Variants in HOXD13 observed in about 807,000 individuals in gnomAD.
HOXD13 encodes homeobox D13.
A neutral mutation model predicts 27.3 loss-of-function variants in HOXD13; 16 were observed. The ratio of observed to expected loss-of-function variants is 0.59; its 90% CI spans 0.40 to 0.89. The LOEUF (loss-of-function observed/expected upper bound fraction) is 0.89. Among genes scored for constraint, HOXD13 ranks in the 40% least tolerant of loss-of-function variants. The pLI, the probability that HOXD13 is intolerant of heterozygous loss-of-function variation, is 0.00. For synonymous variants in HOXD13, 241 were observed against 219.0 expected (o/e 1.10, Z -0.89); for missense variants, 481 against 482.6 (o/e 1.00, Z 0.03).
At chr2:176,091,682 G>T (rs1324651887), upstream of HOXD13, among the ~76,000 whole-genome samples, 4 of 152,134 alleles carry the variant, frequency 2.6e-5, no homozygotes, top group African/African-American at 9.7e-5. Flanking sequence ...CTCTTAATTT[G>T]CCCCTCTCAG....
Position 176,092,956 on chromosome 2 carries a change from C to A in HOXD13, c.66C>A (p.Ala22=). 1 of 1,335,188 alleles carries A rather than the reference C, an allele frequency of 7.5e-7. No individual in the cohort carries two copies. Among genetic ancestry groups the A allele is most frequent in the Non-Finnish European group, 9.6e-7 (1 of 1,046,472 alleles). The allele number at this position is 1,335,188 out of a possible 1,614,324, so 82.7% of individuals were successfully genotyped here. Residue 22 remains alanine, a synonymous_variant, in exon 1 of 2, where the codon GCC becomes GCA. Transcript: ENST00000392539. ...CAGACGGCGGGGGCGCCGGTGGCGCCCCGGCCTCTTCCTCCTCCTCATCGG... is the reference window on the plus strand; with the variant it reads ...CAGACGGCGGGGGCGCCGGTGGCGCACCGGCCTCTTCCTCCTCCTCATCGG... ...LRADGGGAGG[A]PASSSSSSVA...
chr2:176,091,267 A>G (rs1689314805), upstream of HOXD13, among the ~76,000 whole-genome samples: 3 of 152,154 alleles, frequency 2.0e-5, no homozygotes, highest in South Asian at 6.2e-4. Context: ...AGCTTTCACC[A>G]ATCACAGGCT....
upstream of HOXD13, among the ~76,000 whole-genome samples, chr2:176,089,962 G>T (rs1469311569): frequency 2.0e-5 from 3 of 152,212 alleles, no homozygotes; most frequent in Non-Finnish European, 4.4e-5. Flanking sequence ...GCCACCTAAA[G>T]AAACTGATTC....
chr2:176,093,004 C>T lies in HOXD13; in HGVS notation c.114C>T (p.Gly38=). ...CGGTGGCGGCGGCGGCGGCGTCAGG[C>T]CAGTGCCGCGGCTTTCTCTCCGCGC... ...SSSVAAAAAS[G]QCRGFLSAPV... is the part of the protein sequence containing the mutation. The change falls in exon 1 of 2, where the codon GGC becomes GGT. Residue 38 remains glycine, a synonymous_variant. Transcript: ENST00000392539. 7.2e-7 allele frequency: 1 copy of T among 1,385,802 alleles called. No homozygotes were observed. Among genetic ancestry groups the T allele is most frequent in the East Asian group, 3.1e-5 (1 of 31,758 alleles). The allele number at this position is 1,385,802 out of a possible 1,614,324, so 85.8% of individuals were successfully genotyped here.
rs1052549254 is a variant in HOXD13 at position 176,092,965 on chromosome 2, TTCC to T, written c.84_86del (p.Ser30del). 3 of 1,340,472 alleles carry T rather than the reference TTCC, an allele frequency of 2.2e-6. No individual in the cohort carries two copies. Among genetic ancestry groups the T allele is most frequent in the East Asian group, 3.3e-5 (1 of 30,722 alleles). The allele number at this position is 1,340,472 out of a possible 1,614,324, so 83.0% of individuals were successfully genotyped here. On this transcript the variant is annotated inframe_deletion, in exon 1 of 2. Coordinates refer to ENST00000392539, the MANE Select transcript of HOXD13 (RefSeq NM_000523.4). ...GGGGCGCCGGTGGCGCCCCGGCCTC[TTCC>T]TCCTCCTCATCGGTGGCGGCGGCGG...
upstream of HOXD13, among the ~76,000 whole-genome samples, chr2:176,090,479 G>A (rs1451504840): frequency 6.6e-6 from 1 of 152,150 alleles, no homozygotes; most frequent in Non-Finnish European, 1.5e-5. Flanking sequence ...CAGAAGTGAT[G>A]GGCTGCTTGA....
At chr2:176,087,905 G>A (rs548479737), upstream of HOXD13, among the ~76,000 whole-genome samples, 1 of 152,354 alleles carries the variant, frequency 6.6e-6, no homozygotes, top group African/African-American at 2.4e-5. Context: ...GAGCAGCAGC[G>A]GGTCCTCTGA....
At chr2:176,091,011 T>G (rs1689310921), upstream of HOXD13, among the ~76,000 whole-genome samples, 1 of 152,240 alleles carries the variant, frequency 6.6e-6, no homozygotes, top group South Asian at 2.1e-4. Context: ...ATCTCAAATT[T>G]GATCATGAAC....
chr2:176,092,982 T>TGGCGGC lies in HOXD13; in HGVS notation c.103_108dup (p.Ala35_Ala36dup), dbSNP rs767527649. On this transcript the variant is annotated inframe_insertion, in exon 1 of 2. Transcript: ENST00000392539. ...CCGGCCTCTTCCTCCTCCTCATCGG[T>TGGCGGC]GGCGGCGGCGGCGGCGTCAGGCCAG... 74 of 1,349,728 alleles carry TGGCGGC rather than the reference T, an allele frequency of 5.5e-5. No homozygotes were observed. The highest frequency in any genetic ancestry group is 2.3e-4 in the Admixed American group (7 of 29,868). 83.6% of individuals were successfully genotyped at this position (1,349,728 alleles called of 1,614,324 possible).
chr2:176,095,089 T>A lies in HOXD13; in HGVS notation c.*359T>A, dbSNP rs950354489. 76 of 350,728 alleles carry A rather than the reference T, an allele frequency of 2.2e-4. 1 individual carries two copies. The highest frequency in any genetic ancestry group is 1.6e-3 in the Middle Eastern group (2 of 1,224). The allele number at this position is 350,728 out of a possible 1,614,324, so 21.7% of individuals were successfully genotyped here. ...TGCCATTCTGATTTAAGGGTTTTTT[T>A]AAAAAATTACTTTATTTGTTCATTC... On this transcript the variant is annotated 3_prime_UTR_variant, in exon 2 of 2. Coordinates refer to ENST00000392539, the MANE Select transcript of HOXD13 (RefSeq NM_000523.4).
Position 176,093,042 on chromosome 2 carries a change from G to C in HOXD13, c.152G>C (p.Gly51Ala). The change falls in exon 1 of 2, where the codon GGG becomes GCG. Residue 51 changes from glycine (G) to alanine (A), a missense_variant. Physicochemically the swap from Gly to Ala is moderately conservative, Grantham distance 60. Coordinates refer to ENST00000392539, the MANE Select transcript of HOXD13 (RefSeq NM_000523.4). ...RGFLSAPVFA[G>A]THSGRAAAAA... ...TTTCTCTCCGCGCCTGTGTTCGCCG[G>C]GACGCATTCGGGGCGGGCGGCGGCG... is the stretch of plus-strand genomic sequence containing the variant. The C allele has an allele frequency of 3.6e-6, 5 of 1,382,464 alleles. No individual in the cohort carries two copies. Among genetic ancestry groups the C allele is most frequent in the Non-Finnish European group, 4.6e-6 (5 of 1,077,910 alleles). The allele number at this position is 1,382,464 out of a possible 1,614,324, so 85.6% of individuals were successfully genotyped here. A position where few individuals can be genotyped will look rare whatever the true frequency, so the allele number is the denominator to read the frequency against.
chr2:176,091,525 C>A (rs2105377196), upstream of HOXD13, among the ~76,000 whole-genome samples: 2 of 152,262 alleles, frequency 1.3e-5, no homozygotes, highest in South Asian at 4.1e-4. Context: ...AGGGACAGGG[C>A]TGTAATCCCT....
rs1431472260 is a variant in HOXD13, at chr2:176,093,450, C to T, written c.560C>T (p.Ala187Val). The change falls in exon 1 of 2, where the codon GCC becomes GTC. Residue 187 changes from alanine to valine, a missense_variant. Coordinates refer to ENST00000392539, the MANE Select transcript of HOXD13 (RefSeq NM_000523.4). Reference sequence around the variant, plus strand: ...CCGGCCAACGAGGTGCCAGCGCGAGCCAAGGAGGTATCCTTCTACCAGGGC... The same window carrying T: ...CCGGCCAACGAGGTGCCAGCGCGAGTCAAGGAGGTATCCTTCTACCAGGGC... Reference protein sequence around the residue: ...SVPANEVPARAKEVSFYQGYT... With the variant: ...SVPANEVPARVKEVSFYQGYT... 8.1e-6 allele frequency: 13 copies of T among 1,613,870 alleles called. No individual in the cohort carries two copies. Among genetic ancestry groups the T allele is most frequent in the Non-Finnish European group, 1.1e-5 (13 of 1,180,024 alleles).
chr2:176,093,402 C>T lies in HOXD13; in HGVS notation c.512C>T (p.Ser171Leu), dbSNP rs1470726856. The change falls in exon 1 of 2, where the codon TCA becomes TTA. Residue 171 changes from serine (S) to leucine (L), a missense_variant. Physicochemically the swap from Ser to Leu is moderately radical, Grantham distance 145 (BLOSUM62 -2). Coordinates refer to ENST00000392539, the MANE Select transcript of HOXD13 (RefSeq NM_000523.4). Reference sequence around the variant, plus strand: ...CCCGTGGAGAAGTACATGGACGTGTCAGGCCTGGCGAGCAGCAGCGTACCG... The same window carrying T: ...CCCGTGGAGAAGTACATGGACGTGTTAGGCCTGGCGAGCAGCAGCGTACCG... ...GFPVEKYMDV[S>L]GLASSSVPAN... The T allele has an allele frequency of 6.2e-7, 1 of 1,613,870 alleles. No homozygotes were observed. The highest frequency in any genetic ancestry group is 8.5e-7 in the Non-Finnish European group (1 of 1,180,052).
At chr2:176,087,816 C>T (rs1689263805), upstream of HOXD13, among the ~76,000 whole-genome samples, 2 of 152,196 alleles carry the variant, frequency 1.3e-5, no homozygotes, top group Admixed American at 6.5e-5. Context: ...ACTGAAAAGC[C>T]CTTTTTGTTC....
At chr2:176,089,240 C>T (rs965209196), upstream of HOXD13, among the ~76,000 whole-genome samples, 2 of 152,124 alleles carry the variant, frequency 1.3e-5, no homozygotes, top group African/African-American at 4.8e-5. Context: ...TTGATATCTC[C>T]AGGCTGAGTA....
At chr2:176,094,447 GC>G (rs1264491475) in intron 1 of HOXD13, 32 bp from the exon 2 acceptor site, 2 of 1,610,326 alleles carry the variant, frequency 1.2e-6, no homozygotes, top group Admixed American at 3.3e-5. Flanking sequence ...GAATATCCCA[GC>G]CTAATTTTTC....
chr2:176,095,326 T>G lies in HOXD13; in HGVS notation c.*596T>G, dbSNP rs886109023. ...AATGGCCACCTTATTAAATAGGGAT[T>G]GTATCAATATTGAAATGAAGACAAT... On this transcript the variant is annotated 3_prime_UTR_variant, in exon 2 of 2. Coordinates refer to ENST00000392539, the MANE Select transcript of HOXD13 (RefSeq NM_000523.4). 9.2e-5 allele frequency: 21 copies of G among 228,490 alleles called. No individual in the cohort carries two copies. The highest frequency in any genetic ancestry group is 4.4e-4 in the African/African-American group (20 of 45,006). The allele number at this position is 228,490 out of a possible 1,614,324, so 14.2% of individuals were successfully genotyped here.
In HOXD13 at chr2:176,093,502, C is replaced by T; in HGVS notation, c.612C>T (p.Pro204=). Residue 204 remains proline, a synonymous_variant, in exon 1 of 2, where the codon CCC becomes CCT. Coordinates refer to ENST00000392539, the MANE Select transcript of HOXD13 (RefSeq NM_000523.4). ...QGYTSPYQHV[P]GYIDMVSTFG... Reference sequence around the variant, plus strand: ...ATACGAGCCCTTACCAGCACGTGCCCGGCTATATCGACATGGTGTCCACTT... The same window carrying T: ...ATACGAGCCCTTACCAGCACGTGCCTGGCTATATCGACATGGTGTCCACTT... 1.2e-6 allele frequency: 2 copies of T among 1,613,990 alleles called. No individual in the cohort carries two copies. The highest frequency in any genetic ancestry group is 1.3e-5 in the African/African-American group (1 of 75,034).
Sources: gnomAD v4.1 joint callset for allele counts (sites outside exome capture counted in the v4.1 genomes callset) on GRCh38, gnomAD v4.1.1 for gene constraint, MANE v1.5 for transcripts, NCBI Gene and HGNC (gene_info 2026-07-23, HGNC 2026-07-21) for gene names.